Variants in POLA1 observed in about 807,000 individuals in gnomAD.
POLA1 encodes DNA polymerase alpha catalytic subunit.
In POLA1, 15 loss-of-function variants were observed where a neutral mutation model predicts 124.0. That is an observed-to-expected ratio of 0.12 (90% confidence interval 0.08 to 0.19). The LOEUF (loss-of-function observed/expected upper bound fraction) is 0.19, where lower values mean the gene tolerates loss of function less well. Among genes scored for constraint, POLA1 ranks in the 10% least tolerant of loss-of-function variants. The pLI is 1.00. For synonymous variants in POLA1, 408 were observed against 389.4 expected, an observed-to-expected ratio of 1.05 and a Z score of -0.56; for missense variants, 886 against 1,103.4, an observed-to-expected ratio of 0.80 and a Z score of 2.79.
At chrX:24,796,914 G>C (rs919061589) in intron 26 of POLA1, among the ~76,000 whole-genome samples, 1 of 111,230 alleles carries the variant, frequency 9.0e-6, no homozygotes, top group African/African-American at 3.3e-5. Flanking sequence ...TGTTTACCCA[G>C]TTGTTAAGCC....
At chrX:24,848,646 A>G (rs994324480) in intron 34 of POLA1, among the ~76,000 whole-genome samples, 1 of 112,557 alleles carries the variant, frequency 8.9e-6, no homozygotes, top group Middle Eastern at 4.6e-3. Flanking sequence ...AGGGTAAAAT[A>G]TTGGTTAAAA....
chrX:24,865,870 G>T (rs945251475), intron 34 of POLA1, among the ~76,000 whole-genome samples: 1 of 111,214 alleles, frequency 9.0e-6, no homozygotes, highest in African/African-American at 3.3e-5. Flanking sequence ...TATTCTCAAA[G>T]AATTAATGAT....
chrX:24,895,182 G>A (rs772544430), intron 35 of POLA1, among the ~76,000 whole-genome samples: 7 of 112,135 alleles, frequency 6.2e-5, no homozygotes, highest in Non-Finnish European at 1.3e-4. Context: ...ATTGCACTGA[G>A]CTAAAAGTAA....
chrX:24,718,181 CTATTGTGTGCT>C (rs1392617847), intron 10 of POLA1, among the ~76,000 whole-genome samples: 2 of 111,973 alleles, frequency 1.8e-5, no homozygotes, highest in African/African-American at 6.5e-5. Context: ...ATTTGAATGC[CTATTGTGTGCT>C]AGGCACTGAG....
Position 24,880,799 on chromosome X carries a change from A to G in POLA1, c.4048-7207A>G, listed in dbSNP as rs191658189. On this transcript the variant is annotated intron_variant, in intron 34 of 36. Coordinates refer to ENST00000379068, the MANE Select transcript of POLA1 (RefSeq NM_001330360.2). ...CCTGCAAGGGAACCCCGGAACATTTATAAATGGTTTAGGGTGAAAAGAGAG... is the reference window on the plus strand; with the variant it reads ...CCTGCAAGGGAACCCCGGAACATTTGTAAATGGTTTAGGGTGAAAAGAGAG... Among the ~76,000 whole-genome samples the G allele has an allele frequency of 7.5e-4, 84 of 111,930 alleles. 1 individual carries two copies. In the South Asian group the frequency reaches 0.03, roughly 40 times the overall value.
intron 34 of POLA1, among the ~76,000 whole-genome samples, chrX:24,846,484 T>G (rs2046478491): frequency 8.9e-6 from 1 of 111,971 alleles, no homozygotes; most frequent in Admixed American, 9.5e-5. Flanking sequence ...CCTTGTTGGT[T>G]CCTTTGTATA....
chrX:24,989,062 G>A (rs1260828075), intron 36 of POLA1, among the ~76,000 whole-genome samples: 1 of 112,162 alleles, frequency 8.9e-6, no homozygotes, highest in African/African-American at 3.2e-5. Context: ...GAAAAGACTG[G>A]AGTCTTCAGG....
intron 36 of POLA1, among the ~76,000 whole-genome samples, chrX:24,983,984 A>G (rs1219459380): frequency 8.9e-6 from 1 of 112,294 alleles, no homozygotes; most frequent in Non-Finnish European, 1.9e-5. Context: ...GCTGCTTAAC[A>G]AGGCCAGAGG....
At chrX:24,789,737 A>G (rs1390944222) in intron 26 of POLA1, among the ~76,000 whole-genome samples, 2 of 112,426 alleles carry the variant, frequency 1.8e-5, no homozygotes, top group African/African-American at 6.5e-5. Context: ...TTCCCTAGCT[A>G]TGACAAAGAA....
chrX:24,909,460 C>T (rs1354722049), intron 35 of POLA1, among the ~76,000 whole-genome samples: 3 of 111,498 alleles, frequency 2.7e-5, no homozygotes, highest in Non-Finnish European at 5.7e-5. Context: ...ATATGGCTAG[C>T]CAGTTTTCCC....
rs190453874 is a variant in POLA1 at position 24,733,862 on chromosome X, A to C, written c.1833+46A>C. ...AGCACCTGTTTGTTTGGAGCGAGAA[A>C]GAAAAGGGGGGTGGTATGGACTAGT... On this transcript the variant is annotated intron_variant, in intron 17 of 36. Coordinates refer to ENST00000379068, the MANE Select transcript of POLA1 (RefSeq NM_001330360.2). 6.1e-5 allele frequency: 43 copies of C among 704,057 alleles called. No homozygotes were observed. In the African/African-American group the frequency reaches 8.0e-4, roughly 13 times the overall value. The allele number at this position is 704,057 out of a possible 1,213,427, so 58.0% of individuals were successfully genotyped here. A position where few individuals can be genotyped will look rare whatever the true frequency, so the allele number is the denominator to read the frequency against.
intron 15 of POLA1, among the ~76,000 whole-genome samples, chrX:24,729,473 A>AT (rs750939145): frequency 1.6e-4 from 18 of 112,083 alleles, no homozygotes; most frequent in Non-Finnish European, 3.2e-4. Context: ...TAAAATGGTG[A>AT]TTTTTTAAAA....
intron 36 of POLA1, among the ~76,000 whole-genome samples, chrX:24,960,478 C>G (rs941475771): frequency 1.8e-5 from 2 of 111,571 alleles, no homozygotes; most frequent in South Asian, 7.6e-4. Context: ...GGAAAAGAAA[C>G]CTTCATGTGT....
chrX:24,786,613 A>G (rs1042406158), intron 26 of POLA1, among the ~76,000 whole-genome samples: 52 of 106,148 alleles, frequency 4.9e-4, no homozygotes, highest in Non-Finnish European at 7.9e-4. Flanking sequence ...GACTCAAGTG[A>G]TCCTCCCACT....
intron 35 of POLA1, among the ~76,000 whole-genome samples, chrX:24,901,761 A>G (rs2047281910): frequency 1.8e-5 from 2 of 111,823 alleles, no homozygotes; most frequent in South Asian, 7.5e-4. Context: ...GTGACGTTAT[A>G]TAGAAGGAAA....
intron 34 of POLA1, among the ~76,000 whole-genome samples, chrX:24,870,795 G>A (rs922563764): frequency 8.9e-6 from 1 of 111,889 alleles, no homozygotes; most frequent in Non-Finnish European, 1.9e-5. Context: ...CCACAGATGA[G>A]TGAGACATGA....
chrX:24,863,738 C>A (rs973646330), intron 34 of POLA1, among the ~76,000 whole-genome samples: 13 of 111,256 alleles, frequency 1.2e-4, no homozygotes, highest in African/African-American at 3.9e-4. Context: ...ATGGTGCTCC[C>A]GCAGTCTCTT....
chrX:24,874,259 C>T (rs187912226), intron 34 of POLA1, among the ~76,000 whole-genome samples: 7 of 112,295 alleles, frequency 6.2e-5, no homozygotes, highest in Non-Finnish European at 1.3e-4. Context: ...TTCACCAGCA[C>T]TCCTAAAATT....
rs1168525143 is a variant in POLA1 at position 24,718,064 on chromosome X, T to G, written c.1087+306T>G. On this transcript the variant is annotated intron_variant, in intron 10 of 36. Coordinates refer to ENST00000379068, the MANE Select transcript of POLA1 (RefSeq NM_001330360.2). ...GCTTATTCCAAAAATCAGTTACATA[T>G]GGTTTTGGAATGTGTGTTTGTAGTT... Among the ~76,000 whole-genome samples the G allele has an allele frequency of 3.6e-5, 4 of 111,459 alleles. No individual in the cohort carries two copies. The Admixed American group carries it at 3.8e-4, about 11-fold the overall frequency.
Sources: gnomAD v4.1 joint callset for allele counts (sites outside exome capture counted in the v4.1 genomes callset) on GRCh38, gnomAD v4.1.1 for gene constraint, MANE v1.5 for transcripts, NCBI Gene and HGNC (gene_info 2026-07-23, HGNC 2026-07-21) for gene names.